The following SPTLC2 variants were observed in gnomAD, a reference collection of about 807,000 sequenced individuals.
SPTLC2 encodes the protein serine palmitoyltransferase 2.
Under a neutral mutation model 62.0 loss-of-function variants are expected in SPTLC2, and 21 were observed. That is an observed-to-expected ratio of 0.34 (90% confidence interval 0.24 to 0.49). SPTLC2 has a LOEUF of 0.49. SPTLC2 is among the 20% of genes least tolerant of loss of function. SPTLC2 has a pLI of 0.99. For missense variants in SPTLC2, 511 were observed against 713.0 expected (o/e 0.72, Z 3.23); for synonymous variants, 261 against 261.8 (o/e 1.00, Z 0.03).
intron 2 of SPTLC2, among the ~76,000 whole-genome samples, chr14:77,593,944 G>A (rs2079832592): frequency 6.6e-6 from 1 of 152,058 alleles, no homozygotes; most frequent in African/African-American, 2.4e-5. Context: ...TCTAAAAGCT[G>A]AATTTTTGTA....
chr14:77,571,635 G>C (rs1444600204), intron 4 of SPTLC2, among the ~76,000 whole-genome samples: 1 of 152,112 alleles, frequency 6.6e-6, no homozygotes, highest in Non-Finnish European at 1.5e-5. Context: ...ATGCGGGAAA[G>C]AAGAATGCTA....
intron 2 of SPTLC2, among the ~76,000 whole-genome samples, chr14:77,596,577 T>A (rs1173929634): frequency 6.6e-6 from 1 of 151,252 alleles, no homozygotes; most frequent in East Asian, 1.9e-4. Flanking sequence ...AAAAGTGAAG[T>A]GAATGAAGAA....
At chr14:77,527,901 G>T (rs979511900) in intron 9 of SPTLC2, among the ~76,000 whole-genome samples, 27 of 152,200 alleles carry the variant, frequency 1.8e-4, no homozygotes, top group Admixed American at 1.6e-3. Flanking sequence ...TTCCAGTTTA[G>T]CTGATGAGCT....
Position 77,616,456 on chromosome 14 carries a change from C to T in SPTLC2, c.124G>A (p.Ala42Thr). ...GCGCGGGCCCCTCGTACCTGGCCGG[C>T]GGCGGCTGCGGCTGCGGCTGCAGCG... ...SSAAAAAAAA[A>T]GQIHHVTQNG... Residue 42 changes from alanine (A) to threonine (T), a missense_variant, in exon 1 of 12, where the codon GCC becomes ACC. By Grantham distance (58) the Ala-to-Thr change is moderately conservative. Transcript: ENST00000216484. 1.1e-5 allele frequency: 17 copies of T among 1,485,976 alleles called. No homozygotes were observed. Among genetic ancestry groups the T allele is most frequent in the Non-Finnish European group, 1.5e-5 (17 of 1,123,780 alleles). 92.0% of individuals were successfully genotyped at this position (1,485,976 alleles called of 1,614,324 possible).
intron 2 of SPTLC2, among the ~76,000 whole-genome samples, chr14:77,587,535 G>A (rs2079788644): frequency 6.9e-6 from 1 of 145,740 alleles, no homozygotes; most frequent in Non-Finnish European, 1.5e-5. Flanking sequence ...GGGAGGCTGA[G>A]GCAGGTGGAT....
intron 1 of SPTLC2, among the ~76,000 whole-genome samples, chr14:77,601,513 A>C (rs12587835): frequency 0.23 from 35,546 of 151,982 alleles, 4,423 homozygotes; most frequent in East Asian, 0.31. Flanking sequence ...AGGTGAAATA[A>C]ACAGCCTTGT....
At chr14:77,589,555 C>T (rs1486663662) in intron 2 of SPTLC2, among the ~76,000 whole-genome samples, 1 of 150,654 alleles carries the variant, frequency 6.6e-6, no homozygotes, top group Non-Finnish European at 1.5e-5. Flanking sequence ...TTTGGGAGGT[C>T]GAGGTGGGCA....
chr14:77,557,891 T>C (rs537386780), intron 6 of SPTLC2, among the ~76,000 whole-genome samples: 1 of 152,252 alleles, frequency 6.6e-6, no homozygotes, highest in South Asian at 2.1e-4. Context: ...AATTTCCTTG[T>C]TAAAGACAAA....
intron 3 of SPTLC2, among the ~76,000 whole-genome samples, chr14:77,577,298 T>C (rs999150323): frequency 1.3e-5 from 2 of 152,002 alleles, no homozygotes; most frequent in Non-Finnish European, 2.9e-5. Flanking sequence ...ACTGCACAAT[T>C]TGCCACATCT....
intron 6 of SPTLC2, among the ~76,000 whole-genome samples, chr14:77,557,620 C>A (rs747643028): frequency 6.6e-6 from 1 of 152,162 alleles, no homozygotes; most frequent in Admixed American, 6.6e-5. Context: ...CTTCACAGTG[C>A]GTGCTCCATT....
intron 5 of SPTLC2, among the ~76,000 whole-genome samples, chr14:77,566,184 C>T (rs373988285): frequency 1.2e-3 from 132 of 106,180 alleles, no homozygotes; most frequent in African/African-American, 4.2e-3. Context: ...TTTTAGACAG[C>T]CTTTTTTAGA....
At chr14:77,613,994 A>G (rs2079951583) in intron 1 of SPTLC2, among the ~76,000 whole-genome samples, 1 of 152,260 alleles carries the variant, frequency 6.6e-6, no homozygotes, top group African/African-American at 2.4e-5. Context: ...TGAAGTCTGT[A>G]TTAAAAATAC....
chr14:77,594,920 TAGG>T (rs961415973), intron 2 of SPTLC2, among the ~76,000 whole-genome samples: 3 of 152,218 alleles, frequency 2.0e-5, no homozygotes, highest in African/African-American at 7.2e-5. Flanking sequence ...CTCAGTCTAG[TAGG>T]AGGATACAGG....
intron 4 of SPTLC2, among the ~76,000 whole-genome samples, chr14:77,573,307 T>C (rs1478922561): frequency 2.0e-5 from 3 of 152,112 alleles, no homozygotes; most frequent in Admixed American, 1.3e-4. Context: ...CAATGTATTG[T>C]ATATTTCAAA....
intron 10 of SPTLC2, among the ~76,000 whole-genome samples, chr14:77,519,590 C>T (rs2079376269): frequency 6.6e-6 from 1 of 152,030 alleles, no homozygotes; most frequent in Non-Finnish European, 1.5e-5. Flanking sequence ...TGGTGGCACA[C>T]ATCTGTAATC....
chr14:77,597,682 G>A (rs1203573006), intron 1 of SPTLC2, among the ~76,000 whole-genome samples: 1 of 151,836 alleles, frequency 6.6e-6, no homozygotes, highest in African/African-American at 2.4e-5. Context: ...GCTGAGGGAG[G>A]AGAGTTGCTT....
intron 6 of SPTLC2, among the ~76,000 whole-genome samples, chr14:77,562,056 T>C (rs984422578): frequency 1.3e-5 from 2 of 152,238 alleles, no homozygotes; most frequent in Non-Finnish European, 2.9e-5. Context: ...ATTAAGTCTC[T>C]TCGTTAACCA....
chr14:77,523,015 C>A (rs575369108), intron 9 of SPTLC2, among the ~76,000 whole-genome samples: 1 of 152,322 alleles, frequency 6.6e-6, no homozygotes, highest in East Asian at 1.9e-4. Context: ...CAGAAAAACA[C>A]TCAAGCTTAG....
chr14:77,575,806 T>A (rs754733380), intron 4 of SPTLC2, among the ~76,000 whole-genome samples: 19 of 152,214 alleles, frequency 1.2e-4, no homozygotes, highest in Non-Finnish European at 2.8e-4. Context: ...GTGCTGGGAT[T>A]ATAGGCATGA....
Sources: gnomAD v4.1 joint callset for allele counts (sites outside exome capture counted in the v4.1 genomes callset) on GRCh38, gnomAD v4.1.1 for gene constraint, MANE v1.5 for transcripts, NCBI Gene and HGNC (gene_info 2026-07-23, HGNC 2026-07-21) for gene names.